Variants in TAF1C observed in about 807,000 individuals in gnomAD.
TAF1C encodes TATA-box binding protein associated factor, RNA polymerase I subunit C.
In TAF1C, 79 loss-of-function variants were observed where a neutral mutation model predicts 70.5. The ratio of observed to expected loss-of-function variants is 1.12; its 90% CI spans 0.93 to 1.35. The LOEUF (loss-of-function observed/expected upper bound fraction) is 1.35, where lower values mean the gene tolerates loss of function less well. TAF1C is among the 40% of genes most tolerant of loss of function. TAF1C has a pLI of 0.00. For synonymous variants in TAF1C, 614 were observed against 491.1 expected (o/e 1.25, Z -3.31); for missense variants, 1,412 against 1,127.8 (o/e 1.25, Z -3.61).
chr16:84,183,000 C>A lies in TAF1C; in HGVS notation c.482+76G>T. On this transcript the variant is annotated intron_variant, in intron 6 of 14. Coordinates refer to ENST00000566732, the MANE Select transcript of TAF1C (RefSeq NM_001243156.2). This position sits in a 1 kb window ranked among gnomAD's most constrained non-coding sequence, Gnocchi z 5.0. ...GAAGTGGGTATGACGGAAAGCTGTA[C>A]GTGCGTCCTAGCACCTCCTACATCC... 6.8e-7 allele frequency: 1 copy of A among 1,466,390 alleles called. No individual in the cohort carries two copies. The highest frequency in any genetic ancestry group is 1.7e-5 in the Admixed American group (1 of 59,660). The allele number at this position is 1,466,390 out of a possible 1,614,324, so 90.8% of individuals were successfully genotyped here. A position where few individuals can be genotyped will look rare whatever the true frequency, so the allele number is the denominator to read the frequency against.
chr16:84,178,437 G>A lies in TAF1C; in HGVS notation c.*504C>T, dbSNP rs550483126. On this transcript the variant is annotated 3_prime_UTR_variant, in exon 15 of 15. Coordinates refer to ENST00000566732, the MANE Select transcript of TAF1C (RefSeq NM_001243156.2). Reference sequence around the variant, plus strand: ...GAACCTGGATCCAAGGCATCTCCCTGTAGGAAACATCAGACCGGGGCAGAG... The same window carrying A: ...GAACCTGGATCCAAGGCATCTCCCTATAGGAAACATCAGACCGGGGCAGAG... The A allele has an allele frequency of 2.2e-5, 10 of 458,162 alleles. No homozygotes were observed. The highest frequency in any genetic ancestry group is 4.0e-5 in the African/African-American group (2 of 50,168). The allele number at this position is 458,162 out of a possible 1,614,324, so 28.4% of individuals were successfully genotyped here.
At chr16:84,180,526 C>T in intron 12 of TAF1C, 182 bp from the exon 13 acceptor site, 1 of 664,790 alleles carries the variant, frequency 1.5e-6, no homozygotes, top group Admixed American at 3.6e-5. Context: ...CCGCTTCCTT[C>T]ACCAATTCTG....
chr16:84,181,894 G>C (rs1180858739), intron 8 of TAF1C, 31 bp from the exon 9 acceptor site: 1 of 1,614,074 alleles, frequency 6.2e-7, no homozygotes, highest in African/African-American at 1.3e-5. Flanking sequence ...CCAGGGGTCA[G>C]GTAGCAGGTC....
At chr16:84,184,636 T>C (rs998742721) in intron 2 of TAF1C, among the ~76,000 whole-genome samples, 2 of 152,174 alleles carry the variant, frequency 1.3e-5, no homozygotes, top group African/African-American at 4.8e-5. Flanking sequence ...GGCAGCATTC[T>C]CACGGTCTCA....
intron 12 of TAF1C, chr16:84,180,796 T>A: frequency 1.4e-5 from 18 of 1,258,484 alleles, no homozygotes; most frequent in Admixed American, 3.4e-5. Flanking sequence ...AGGCCCCTCC[T>A]CCCCTGCTCC....
At position 84,179,630 on chromosome 16, in the gene TAF1C, T is replaced by G. The variant is rs1047117687; in HGVS notation, c.1843A>C (p.Lys615Gln). Residue 615 changes from lysine (K) to glutamine (Q), a missense_variant, in exon 15 of 15, where the codon AAG (lysine) becomes CAG (glutamine). Transcript: ENST00000566732. ...QDTAGCSQWL[K>Q]ALLKVPLAPP... ...GCCAGGGGCACTTTTAGCAGGGCCT[T>G]CAGCCACTGGCTGCAGCCGGCAGTG... The G allele has an allele frequency of 3.1e-6, 5 of 1,612,456 alleles. No individual in the cohort carries two copies. The African/African-American group carries it at 6.7e-5, about 22-fold the overall frequency.
Position 84,183,152 on chromosome 16 carries a change from G to A in TAF1C, c.409-3C>T. 1 of 1,614,030 alleles carries A rather than the reference G, an allele frequency of 6.2e-7. No individual in the cohort carries two copies. The highest frequency in any genetic ancestry group is 1.3e-5 in the African/African-American group (1 of 75,008). On this transcript the variant is annotated splice_region_variant and splice_polypyrimidine_tract_variant and intron_variant, in intron 5 of 14. Transcript: ENST00000566732. ...ACTGTCTTCTTCTTAGTGCGGCTCT[G>A]CATGGAAAGGCCTTGTCAGGCTCAC...
Position 84,179,743 on chromosome 16 carries a change from A to G in TAF1C, c.1730T>C (p.Val577Ala), listed in dbSNP as rs750865078. 1.2e-6 allele frequency: 2 copies of G among 1,610,990 alleles called. No individual in the cohort carries two copies. The highest frequency in any genetic ancestry group is 1.7e-6 in the Non-Finnish European group (2 of 1,179,392). ...AGCATCTCTGCGGAGGCTGGAGTCC[A>G]CCTGGGGGCGGAGCTGCTGGTAGAA... Reference protein sequence around the residue: ...DVFYQQLRPQVDSSLRRDAGP... With the variant: ...DVFYQQLRPQADSSLRRDAGP... Residue 577 changes from valine to alanine, a missense_variant, in exon 15 of 15, where the codon GTG becomes GCG. By Grantham distance (64) the Val-to-Ala change is moderately conservative. Transcript: ENST00000566732.
At chr16:84,180,966 C>CG in intron 12 of TAF1C, 77 bp downstream of exon 12, 1 of 1,499,006 alleles carries the variant, frequency 6.7e-7, no homozygotes. Context: ...CCAGCAGAGC[C>CG]GCTGGTAAGC....
chr16:84,184,066 C>G (rs1200465445), intron 2 of TAF1C, among the ~76,000 whole-genome samples: 1 of 152,244 alleles, frequency 6.6e-6, no homozygotes, highest in African/African-American at 2.4e-5. Context: ...AAGGAAGCCC[C>G]TCATGCCACC....
In TAF1C at chr16:84,186,992, C is replaced by G. The variant is rs1402390309; in HGVS notation, c.-164G>C. Reference sequence around the variant, plus strand: ...ACCACGAGGGAAATCTCAAGTAGAACCCCAGCTTTGGCACTCGGGACGGGT... The same window carrying G: ...ACCACGAGGGAAATCTCAAGTAGAAGCCCAGCTTTGGCACTCGGGACGGGT... On this transcript the variant is annotated 5_prime_UTR_variant, in exon 1 of 15. Coordinates refer to ENST00000566732, the MANE Select transcript of TAF1C (RefSeq NM_001243156.2). The G allele has an allele frequency of 1.3e-5, 2 of 152,178 alleles. No homozygotes were observed. The highest frequency in any genetic ancestry group is 1.3e-4 in the Admixed American group (2 of 15,284). The allele number at this position is 152,178 out of a possible 1,614,324, so 9.4% of individuals were successfully genotyped here.
chr16:84,180,266 G>C lies in TAF1C; in HGVS notation c.1387C>G (p.Leu463Val), dbSNP rs375925342. The C allele has an allele frequency of 9.0e-5, 140 of 1,547,828 alleles. No homozygotes were observed. Among genetic ancestry groups the C allele is most frequent in the Non-Finnish European group, 1.1e-4 (131 of 1,148,124 alleles). ...KWNHGLPSPL[L>V]LARLLPPPRP... ...GGCGGAGGCAGCAGTCGGGCCAGCA[G>C]GAGCGGGGAGGGGAGGCCATGGTTC... is the stretch of plus-strand genomic sequence containing the variant. The change falls in exon 13 of 15, where the codon CTG becomes GTG. Residue 463 changes from leucine to valine, a missense_variant. Coordinates refer to ENST00000566732, the MANE Select transcript of TAF1C (RefSeq NM_001243156.2).
chr16:84,179,884 C>A lies in TAF1C; in HGVS notation c.1622-33G>T, dbSNP rs768156867. Reference sequence around the variant, plus strand: ...CGGGAATGACAATGACCTCCAGGGCCTAGCGGGGGGAGGGGATGTTTTCCA... The same window carrying A: ...CGGGAATGACAATGACCTCCAGGGCATAGCGGGGGGAGGGGATGTTTTCCA... On this transcript the variant is annotated intron_variant, in intron 14 of 14. Coordinates refer to ENST00000566732, the MANE Select transcript of TAF1C (RefSeq NM_001243156.2). 9 of 1,609,162 alleles carry A rather than the reference C, an allele frequency of 5.6e-6. No homozygotes were observed. The African/African-American group carries it at 1.1e-4, about 19-fold the overall frequency.
chr16:84,178,571 T>C lies in TAF1C; in HGVS notation c.*370A>G. Reference sequence around the variant, plus strand: ...CTCACCAAACACGAGGAGCCAGCACTCCTGGCCCCCATTCCACTGGACAGG... The same window carrying C: ...CTCACCAAACACGAGGAGCCAGCACCCCTGGCCCCCATTCCACTGGACAGG... On this transcript the variant is annotated 3_prime_UTR_variant, in exon 15 of 15. Coordinates refer to ENST00000566732, the MANE Select transcript of TAF1C (RefSeq NM_001243156.2). 2.3e-6 allele frequency: 1 copy of C among 430,754 alleles called. No homozygotes were observed. The highest frequency in any genetic ancestry group is 4.6e-6 in the Non-Finnish European group (1 of 219,382). 26.7% of individuals were successfully genotyped at this position (430,754 alleles called of 1,614,324 possible).
Position 84,182,362 on chromosome 16 carries a change from C to A in TAF1C, c.561G>T (p.Ala187=). The A allele has an allele frequency of 6.2e-7, 1 of 1,610,252 alleles. No homozygotes were observed. The highest frequency in any genetic ancestry group is 8.5e-7 in the Non-Finnish European group (1 of 1,179,174). The change falls in exon 7 of 15, where the codon GCG becomes GCT. Residue 187 remains alanine, a synonymous_variant. Transcript: ENST00000566732. The surrounding 1 kb of genome is among the most constrained non-coding windows in gnomAD (Gnocchi z 5.0). ...CGTGCAGCAGCTCTGCCAAGTGGCT[C>A]GCCACCGACGTGCCCAGGATGGGGC... ...LGGPILGTSV[A]SHLAELLHEE...
In TAF1C at chr16:84,179,190, G is replaced by A. The variant is rs1287754206; in HGVS notation, c.2283C>T (p.Pro761=). The A allele has an allele frequency of 6.3e-7, 1 of 1,590,422 alleles. No individual in the cohort carries two copies. The highest frequency in any genetic ancestry group is 8.5e-7 in the Non-Finnish European group (1 of 1,174,280). ...GGGAGGGCGGGGTCGTGGGGGGCAG[G>A]GGCAGAGCATCAGCAGGTGGCCACT... ...SPEWPPADAL[P]LPPTTPPSQE... is the part of the protein sequence containing the mutation. Residue 761 remains proline, a synonymous_variant, in exon 15 of 15, where the codon CCC becomes CCT. Transcript: ENST00000566732.
chr16:84,179,163 C>T lies in TAF1C; in HGVS notation c.2310G>A (p.Gln770=), dbSNP rs756590231. 70 of 1,602,942 alleles carry T rather than the reference C, an allele frequency of 4.4e-5. No homozygotes were observed. The highest frequency in any genetic ancestry group is 5.7e-5 in the Non-Finnish European group (67 of 1,178,592). ...GGGCGCATGCATCCGGAGTCAACTCCTGGGAGGGCGGGGTCGTGGGGGGCA... is the reference window on the plus strand; with the variant it reads ...GGGCGCATGCATCCGGAGTCAACTCTTGGGAGGGCGGGGTCGTGGGGGGCA... ...LPLPPTTPPS[Q]ELTPDACAQG... is the part of the protein sequence containing the mutation. The change falls in exon 15 of 15, where the codon CAG becomes CAA. Residue 770 remains glutamine (Q), a synonymous_variant. Transcript: ENST00000566732.
chr16:84,181,403 A>G lies in TAF1C; in HGVS notation c.1089T>C (p.Arg363=). The change falls in exon 11 of 15, where the codon CGT becomes CGC. Residue 363 remains arginine, a synonymous_variant. Coordinates refer to ENST00000566732, the MANE Select transcript of TAF1C (RefSeq NM_001243156.2). Reference sequence around the variant, plus strand: ...GAGGGTGCGCAGTGAAGTCTGCCCAACGCCACGAAGAGGAGTCCCGGAACA... The same window carrying G: ...GAGGGTGCGCAGTGAAGTCTGCCCAGCGCCACGAAGAGGAGTCCCGGAACA... ...TLVFRDSSSW[R]WADFTAHPRV... The G allele has an allele frequency of 1.9e-6, 3 of 1,613,852 alleles. No individual in the cohort carries two copies. Among genetic ancestry groups the G allele is most frequent in the Non-Finnish European group, 2.5e-6 (3 of 1,179,990 alleles).
In TAF1C at chr16:84,178,067, T is replaced by C. The variant is rs1291073533; in HGVS notation, c.*874A>G. 5 of 523,658 alleles carry C rather than the reference T, an allele frequency of 9.5e-6. No homozygotes were observed. The Admixed American group carries it at 1.4e-4, about 15-fold the overall frequency. The allele number at this position is 523,658 out of a possible 1,614,324, so 32.4% of individuals were successfully genotyped here. On this transcript the variant is annotated 3_prime_UTR_variant, in exon 15 of 15. Transcript: ENST00000566732. ...CCCTGCAAAATCTCAAGTGAGCATT[T>C]TCCCCACAGGAAAACAGAATCTTCC...
Sources: allele counts gnomAD v4.1 joint callset (sites outside exome capture counted in the v4.1 genomes callset), GRCh38; gene constraint gnomAD v4.1.1; non-coding constraint Gnocchi (gnomAD v3.1); transcripts MANE v1.5; gene names NCBI Gene and HGNC (gene_info 2026-07-23, HGNC 2026-07-21).